MAGI3: variants seen among roughly 807,000 people sequenced by gnomAD.
The protein encoded by MAGI3 is membrane-associated guanylate kinase, WW and PDZ domain-containing protein 3.
MAGI3 carries 43 observed loss-of-function variants against 121.8 expected under a neutral mutation model. That is an observed-to-expected ratio of 0.35 (90% CI 0.28 to 0.46). The LOEUF is 0.46. Ranked by LOEUF, MAGI3 falls within the 20% of genes least tolerant of loss-of-function variation. MAGI3 has a pLI of 1.00. For missense variants in MAGI3, 1,547 were observed against 1,797.3 expected, an observed-to-expected ratio of 0.86 and a Z score of 2.52; for synonymous variants, 553 against 639.3, an observed-to-expected ratio of 0.86 and a Z score of 2.04.
At chr1:113,428,750 C>T (rs189549270) in intron 1 of MAGI3, among the ~76,000 whole-genome samples, 21 of 152,248 alleles carry the variant, frequency 1.4e-4, no homozygotes, top group Non-Finnish European at 2.9e-4. Flanking sequence ...ATGTGTGGCA[C>T]GTCTCAAGTT....
intron 6 of MAGI3, among the ~76,000 whole-genome samples, chr1:113,606,319 C>A (rs896109062): frequency 6.6e-6 from 1 of 152,076 alleles, no homozygotes; most frequent in African/African-American, 2.4e-5. Flanking sequence ...ATAAAGCTTT[C>A]CATAGTAAGT....
intron 1 of MAGI3, among the ~76,000 whole-genome samples, chr1:113,506,571 G>A (rs1318119219): frequency 6.6e-6 from 1 of 152,096 alleles, no homozygotes; most frequent in African/African-American, 2.4e-5. Context: ...CAAAGTATTG[G>A]TTTAAGTGCT....
chr1:113,622,584 A>C (rs534524824), intron 8 of MAGI3, among the ~76,000 whole-genome samples: 1 of 152,320 alleles, frequency 6.6e-6, no homozygotes. Context: ...TGAGTTTTAT[A>C]GTACAGTTGA....
At chr1:113,490,512 G>A (rs1473388825) in intron 1 of MAGI3, among the ~76,000 whole-genome samples, 1 of 152,136 alleles carries the variant, frequency 6.6e-6, no homozygotes, top group Non-Finnish European at 1.5e-5. Context: ...GACAGTGTCA[G>A]ATCCAAACAT....
Position 113,681,343 on chromosome 1 carries a change from A to C in MAGI3, c.3328+7A>C. On this transcript the variant is annotated splice_region_variant and intron_variant, in intron 20 of 20. Coordinates refer to ENST00000307546, the MANE Select transcript of MAGI3 (RefSeq NM_001142782.2). ...GGCTTGATACCTGACCATGGTAAGT[A>C]AAGTAGCCCACTAGTAGCTGAAAAG... 1 of 1,611,542 alleles carries C rather than the reference A, an allele frequency of 6.2e-7. No homozygotes were observed. The highest frequency in any genetic ancestry group is 8.5e-7 in the Non-Finnish European group (1 of 1,179,206).
chr1:113,410,624 G>T (rs1651925103), intron 1 of MAGI3, among the ~76,000 whole-genome samples: 2 of 151,720 alleles, frequency 1.3e-5, no homozygotes, highest in Admixed American at 1.3e-4. Context: ...GGCAGTGTTA[G>T]ATCTTGTAGC....
chr1:113,645,114 G>T (rs548397058), intron 11 of MAGI3, among the ~76,000 whole-genome samples: 106 of 143,748 alleles, frequency 7.4e-4, no homozygotes, highest in African/African-American at 2.5e-3. Context: ...AGCCTCTGCC[G>T]CCTAGGTTCA....
chr1:113,473,143 A>G (rs1655625847), intron 1 of MAGI3, among the ~76,000 whole-genome samples: 1 of 151,732 alleles, frequency 6.6e-6, no homozygotes. Context: ...GTGATTACAA[A>G]CTCCCTCAGC....
At chr1:113,437,873 T>C (rs1429254324) in intron 1 of MAGI3, among the ~76,000 whole-genome samples, 4 of 7,048 alleles carry the variant, frequency 5.7e-4, no homozygotes, top group Admixed American at 1.9e-3. Context: ...CCTCTTCTTC[T>C]TCTTCTCCTT....
Position 113,622,997 on chromosome 1 carries a change from A to G in MAGI3, c.1360+3A>G. 1 of 1,502,438 alleles carries G rather than the reference A, an allele frequency of 6.7e-7. No individual in the cohort carries two copies. Among genetic ancestry groups the G allele is most frequent in the Middle Eastern group, 1.8e-4 (1 of 5,710 alleles). 93.1% of individuals were successfully genotyped at this position (1,502,438 alleles called of 1,614,324 possible). ...TCAGGATGGGAAAATTGCACCAGGT[A>G]AGAAATTTTTCATAATTATTTGAAG... On this transcript the variant is annotated splice_donor_region_variant and intron_variant, in intron 9 of 20. Transcript: ENST00000307546.
chr1:113,395,493 C>T (rs1308143541), intron 1 of MAGI3, among the ~76,000 whole-genome samples: 2 of 151,710 alleles, frequency 1.3e-5, no homozygotes, highest in African/African-American at 4.8e-5. Context: ...TACACCTTAG[C>T]AATTGCAAGC....
chr1:113,663,346 C>T (rs527711342), intron 16 of MAGI3, among the ~76,000 whole-genome samples: 35 of 151,206 alleles, frequency 2.3e-4, no homozygotes, highest in African/African-American at 8.3e-4. Context: ...AAACTTCATA[C>T]CCATTAGAAA....
At chr1:113,585,866 T>A (rs1648336320) in intron 4 of MAGI3, among the ~76,000 whole-genome samples, 1 of 152,168 alleles carries the variant, frequency 6.6e-6, no homozygotes, top group Non-Finnish European at 1.5e-5. Flanking sequence ...ATATTTGAGA[T>A]TTGCCTCTGA....
chr1:113,505,561 A>C (rs557521647), intron 1 of MAGI3, among the ~76,000 whole-genome samples: 13 of 147,510 alleles, frequency 8.8e-5, no homozygotes, highest in African/African-American at 3.2e-4. Flanking sequence ...TAAATATATA[A>C]TGTCAGATCA....
chr1:113,533,221 G>A (rs965526264), intron 1 of MAGI3, among the ~76,000 whole-genome samples: 1 of 152,142 alleles, frequency 6.6e-6, no homozygotes, highest in Non-Finnish European at 1.5e-5. Flanking sequence ...AAAAGAAAAT[G>A]TGGTACATAT....
chr1:113,477,986 A>G (rs76213050), intron 1 of MAGI3, among the ~76,000 whole-genome samples: 2 of 152,140 alleles, frequency 1.3e-5, no homozygotes, highest in African/African-American at 2.4e-5. Flanking sequence ...TTGACCTTCA[A>G]TCACTGATAC....
Position 113,549,710 on chromosome 1 carries a change from G to A in MAGI3, c.433+79G>A, listed in dbSNP as rs1570842527. 4.4e-6 allele frequency: 3 copies of A among 678,634 alleles called. No homozygotes were observed. The East Asian group carries it at 8.7e-5, about 20-fold the overall frequency. The allele number at this position is 678,634 out of a possible 1,614,324, so 42.0% of individuals were successfully genotyped here. A position where few individuals can be genotyped will look rare whatever the true frequency, so the allele number is the denominator to read the frequency against. On this transcript the variant is annotated intron_variant, in intron 2 of 20. Coordinates refer to ENST00000307546, the MANE Select transcript of MAGI3 (RefSeq NM_001142782.2). ...ATTAAACATCTACAGATAGTTTGAT[G>A]GAGTATTTCACATGAAATTGTGAAG...
intron 1 of MAGI3, among the ~76,000 whole-genome samples, chr1:113,540,864 T>G (rs1659261569): frequency 6.6e-6 from 1 of 152,178 alleles, no homozygotes. Context: ...TGGGTTTTAG[T>G]TATACATAAT....
chr1:113,495,353 T>C (rs907388698), intron 1 of MAGI3, among the ~76,000 whole-genome samples: 1 of 132,868 alleles, frequency 7.5e-6, no homozygotes, highest in Non-Finnish European at 1.6e-5. Flanking sequence ...GTTTTTGAAG[T>C]ACCTCTTTTT....
Sources: allele counts gnomAD v4.1 joint callset (sites outside exome capture counted in the v4.1 genomes callset), GRCh38; gene constraint gnomAD v4.1.1; transcripts MANE v1.5; gene names NCBI Gene and HGNC (gene_info 2026-07-23, HGNC 2026-07-21).